The following TEAD1 variants were observed in gnomAD, a reference collection of about 807,000 sequenced individuals.
TEAD1 encodes the protein TEA domain transcription factor 1, also known as transcriptional enhancer factor TEF-1.
Under a neutral mutation model 54.9 loss-of-function variants are expected in TEAD1, and 9 were observed. The ratio of observed to expected loss-of-function variants is 0.16; its 90% CI spans 0.10 to 0.29. The LOEUF (loss-of-function observed/expected upper bound fraction) is 0.29. Ranked by LOEUF, TEAD1 falls within the 10% of genes least tolerant of loss-of-function variation. The pLI is 1.00. For missense variants in TEAD1, 387 were observed against 535.9 expected (o/e 0.72, Z 2.74); for synonymous variants, 200 against 187.8 (o/e 1.07, Z -0.53).
intron 10 of TEAD1, chr11:12,923,038 T>C (rs1948840257): frequency 2.0e-5 from 3 of 151,532 alleles, no homozygotes; most frequent in Admixed American, 2.0e-4. Flanking sequence ...TCCACATTTA[T>C]CATCTCTCGC....
rs555188107 is a variant in TEAD1, at chr11:12,765,843, A to G, written c.202+1409A>G. 3.9e-5 allele frequency among the ~76,000 whole-genome samples: 6 copies of G among 152,266 alleles called. No homozygotes were observed. The South Asian group carries it at 6.2e-4, about 16-fold the overall frequency. On this transcript the variant is annotated intron_variant, in intron 3 of 12. Transcript: ENST00000527636. ...CTGGGGATGAAATATCTCAGCTACT[A>G]TGGGAAGAGTGTTTCAGGGCCCTAG...
chr11:12,684,110 A>G (rs181238773), intron 2 of TEAD1, among the ~76,000 whole-genome samples: 2 of 152,250 alleles, frequency 1.3e-5, no homozygotes, highest in Non-Finnish European at 2.9e-5. Context: ...ATTTACTTAG[A>G]ATCTGAGCCG....
chr11:12,871,927 A>G (rs183842117), intron 5 of TEAD1, among the ~76,000 whole-genome samples: 172 of 152,296 alleles, frequency 1.1e-3, no homozygotes, highest in Non-Finnish European at 1.8e-3. Flanking sequence ...TAGAGCAGAA[A>G]GAGACCTGAG....
intron 3 of TEAD1, among the ~76,000 whole-genome samples, chr11:12,849,618 G>T (rs1026727127): frequency 1.3e-5 from 2 of 152,156 alleles, no homozygotes; most frequent in Admixed American, 6.6e-5. Context: ...TGTTGTAGTA[G>T]CTTCAGAAGT....
chr11:12,858,588 A>G (rs897611765), intron 3 of TEAD1, among the ~76,000 whole-genome samples: 1 of 152,248 alleles, frequency 6.6e-6, no homozygotes, highest in Non-Finnish European at 1.5e-5. Flanking sequence ...AAAAGCAGGT[A>G]GTTCTAATAT....
At chr11:12,870,282 A>G (rs1455761871) in intron 5 of TEAD1, among the ~76,000 whole-genome samples, 2 of 152,176 alleles carry the variant, frequency 1.3e-5, no homozygotes, top group Non-Finnish European at 2.9e-5. Context: ...GACTCGGCCA[A>G]CAATTTGGTG....
At chr11:12,787,447 G>C (rs1338568045) in intron 3 of TEAD1, among the ~76,000 whole-genome samples, 2 of 152,172 alleles carry the variant, frequency 1.3e-5, no homozygotes, top group Non-Finnish European at 2.9e-5. Flanking sequence ...GGTGTGGTGG[G>C]TGTCACATAC....
chr11:12,772,771 A>T (rs529452630), intron 3 of TEAD1, among the ~76,000 whole-genome samples: 1 of 152,182 alleles, frequency 6.6e-6, no homozygotes, highest in Admixed American at 6.5e-5. Flanking sequence ...ATTGGCATCC[A>T]CACAACCCAG....
Position 12,897,584 on chromosome 11 carries a change from T to C in TEAD1, c.700-4356T>C, listed in dbSNP as rs75408438. Among the ~76,000 whole-genome samples the C allele has an allele frequency of 6.0e-3, 910 of 152,272 alleles. 8 individuals are homozygous for C. Among genetic ancestry groups the C allele is most frequent in the African/African-American group, 0.021 (853 of 41,540 alleles). The stretch of plus-strand genomic sequence containing the variant: ...AGCAGTGAAGCCACTCAGATGCCAA[T>C]GGTCAGAGTTTGGTTTCAAGTCACC... On this transcript the variant is annotated intron_variant, in intron 9 of 12. Transcript: ENST00000527636.
At chr11:12,852,689 C>A (rs897731544) in intron 3 of TEAD1, among the ~76,000 whole-genome samples, 1 of 152,008 alleles carries the variant, frequency 6.6e-6, no homozygotes, top group Non-Finnish European at 1.5e-5. Flanking sequence ...CTCAAGTGAC[C>A]CACCCGCCTT....
intron 3 of TEAD1, among the ~76,000 whole-genome samples, chr11:12,823,078 C>T (rs1946584851): frequency 1.3e-5 from 2 of 151,978 alleles, no homozygotes; most frequent in Non-Finnish European, 2.9e-5. Context: ...GTTTCCATTC[C>T]CCCAGCACAT....
intron 12 of TEAD1, among the ~76,000 whole-genome samples, chr11:12,931,334 C>T (rs1419363085): frequency 6.6e-6 from 1 of 152,046 alleles, no homozygotes; most frequent in Non-Finnish European, 1.5e-5. Flanking sequence ...TCATAAGGCT[C>T]ATTTAAAAAA....
In TEAD1 at chr11:12,883,134, G is replaced by T; in HGVS notation, c.699+9G>T. The T allele has an allele frequency of 6.2e-7, 1 of 1,614,122 alleles. No individual in the cohort carries two copies. Among genetic ancestry groups the T allele is most frequent in the Non-Finnish European group, 8.5e-7 (1 of 1,180,032 alleles). ...AGCGAGACCCAGACTCGGTGAGTGT[G>T]CCCAGAGAGGTGTGTCTTGAATCCA... On this transcript the variant is annotated intron_variant, in intron 9 of 12. Transcript: ENST00000527636.
intron 9 of TEAD1, among the ~76,000 whole-genome samples, chr11:12,893,007 A>G (rs1176057831): frequency 6.6e-6 from 1 of 152,220 alleles, no homozygotes. Flanking sequence ...GCTAGGGTTC[A>G]TCACTGCTCA....
At chr11:12,740,818 C>A (rs939242898) in intron 2 of TEAD1, among the ~76,000 whole-genome samples, 1 of 151,976 alleles carries the variant, frequency 6.6e-6, no homozygotes, top group Non-Finnish European at 1.5e-5. Context: ...TGGGTGGGGA[C>A]GCAGCCAAAC....
At chr11:12,726,920 T>A (rs1451101564) in intron 2 of TEAD1, among the ~76,000 whole-genome samples, 1 of 152,216 alleles carries the variant, frequency 6.6e-6, no homozygotes, top group Non-Finnish European at 1.5e-5. Context: ...TTATTGAAAT[T>A]AATTTCACCT....
At position 12,937,397 on chromosome 11, in the gene TEAD1, T is replaced by A; in HGVS notation, c.*175T>A. 1.8e-6 allele frequency: 1 copy of A among 557,078 alleles called. No homozygotes were observed. The highest frequency in any genetic ancestry group is 3.3e-6 in the Non-Finnish European group (1 of 306,814). The allele number at this position is 557,078 out of a possible 1,614,324, so 34.5% of individuals were successfully genotyped here. A position where few individuals can be genotyped will look rare whatever the true frequency, so the allele number is the denominator to read the frequency against. On this transcript the variant is annotated 3_prime_UTR_variant, in exon 13 of 13. Transcript: ENST00000527636. The stretch of plus-strand genomic sequence containing the variant: ...TTGTTTGAGTGAAGTCATTTTTTCA[T>A]GTGTTCATACTATCATTGTAGCTGT...
At chr11:12,912,128 A>T (rs892341222) in intron 10 of TEAD1, among the ~76,000 whole-genome samples, 2 of 151,896 alleles carry the variant, frequency 1.3e-5, no homozygotes, top group Non-Finnish European at 2.9e-5. Flanking sequence ...ACCTCAAGAG[A>T]CTCACTTGAA....
At position 12,943,162 on chromosome 11, in the gene TEAD1, G is replaced by A. The variant is rs1014377576; in HGVS notation, c.*5940G>A. The stretch of plus-strand genomic sequence containing the variant: ...TAGGAGTGATTCTTATCCACTCCAA[G>A]TTGTAAGTATTTGTAGAAATTTGTG... On this transcript the variant is annotated 3_prime_UTR_variant, in exon 13 of 13. Transcript: ENST00000527636. 6 of 152,186 alleles carry A rather than the reference G, an allele frequency of 3.9e-5. No individual in the cohort carries two copies. Among genetic ancestry groups the A allele is most frequent in the Non-Finnish European group, 7.3e-5 (5 of 68,036 alleles). The allele number at this position is 152,186 out of a possible 1,614,324, so 9.4% of individuals were successfully genotyped here. A position where few individuals can be genotyped will look rare whatever the true frequency, so the allele number is the denominator to read the frequency against.
Sources: gnomAD v4.1 joint callset for allele counts (sites outside exome capture counted in the v4.1 genomes callset) on GRCh38, gnomAD v4.1.1 for gene constraint, MANE v1.5 for transcripts, NCBI Gene and HGNC (gene_info 2026-07-23, HGNC 2026-07-21) for gene names.